The following PCNT variants were observed in gnomAD, a reference collection of about 807,000 sequenced individuals.
The protein encoded by PCNT is kendrin.
In PCNT, 319 loss-of-function variants were observed where a neutral mutation model predicts 380.4. The observed-to-expected ratio is 0.84, with a 90% CI of 0.77 to 0.92. The LOEUF is 0.92. PCNT is among the 40% of genes least tolerant of loss of function. The pLI, the probability that PCNT is intolerant of heterozygous loss-of-function variation, is 0.00. For missense variants in PCNT, 4,400 were observed against 4,255.3 expected, an observed-to-expected ratio of 1.03 and a Z score of -0.95; for synonymous variants, 1,845 against 1,735.2, an observed-to-expected ratio of 1.06 and a Z score of -1.57.
chr21:46,334,248 C>A lies in PCNT; in HGVS notation c.268-149C>A, dbSNP rs757085279. 10 of 1,005,572 alleles carry A rather than the reference C, an allele frequency of 9.9e-6. 1 individual carries two copies. The South Asian group carries it at 1.1e-4, about 11-fold the overall frequency. The allele number at this position is 1,005,572 out of a possible 1,614,324, so 62.3% of individuals were successfully genotyped here. A position where few individuals can be genotyped will look rare whatever the true frequency, so the allele number is the denominator to read the frequency against. On this transcript the variant is annotated intron_variant, in intron 2 of 46. Coordinates refer to ENST00000359568, the MANE Select transcript of PCNT (RefSeq NM_006031.6). ...GTTTAGAGCTTGGGAATTGTTAATG[C>A]GGAAGGTGCACGTTCTGAACAGGTG...
At chr21:46,347,617 T>G in intron 6 of PCNT, 105 bp downstream of exon 6, 1 of 1,025,902 alleles carries the variant, frequency 9.7e-7, no homozygotes, top group Non-Finnish European at 1.5e-6. Context: ...CAGAAGCCAG[T>G]CGAGGCTTTA....
Position 46,444,840 on chromosome 21 carries a change from G to T in PCNT, c.9967+19G>T, listed in dbSNP as rs1415051664. The T allele has an allele frequency of 2.5e-6, 4 of 1,611,100 alleles. No homozygotes were observed. In the South Asian group the frequency reaches 4.4e-5, roughly 18 times the overall value. ...CTACCAGGTAATGCAAGTCCTCGCC[G>T]AGTATTTATTAAGCTGATTATCACT... On this transcript the variant is annotated intron_variant, in intron 46 of 46. Coordinates refer to ENST00000359568, the MANE Select transcript of PCNT (RefSeq NM_006031.6).
Position 46,430,173 on chromosome 21 carries a change from G to GA in PCNT, c.7856dup (p.Ser2620GlufsTer25), listed in dbSNP as rs1465536889. On this transcript the variant is annotated frameshift_variant, in exon 36 of 47. Transcript: ENST00000359568. LOFTEE classifies it high-confidence loss of function. ...AGTCCGACCTCTGTGAGAGCAGGCAGAAGAGCGAACAGCTGTCCCGGTCCC... is the reference window on the plus strand; with the variant it reads ...AGTCCGACCTCTGTGAGAGCAGGCAGAAAGAGCGAACAGCTGTCCCGGTCCC... 1 of 1,614,048 alleles carries GA rather than the reference G, an allele frequency of 6.2e-7. No individual in the cohort carries two copies. Among genetic ancestry groups the GA allele is most frequent in the Non-Finnish European group, 8.5e-7 (1 of 1,180,018 alleles).
At position 46,430,189 on chromosome 21, in the gene PCNT, TC is replaced by T; in HGVS notation, c.7873del (p.Arg2625GlyfsTer13). ...CESRQKSEQL[S>X]RSLCEVQQEV... is the part of the protein sequence containing the mutation. ...GAGCAGGCAGAAGAGCGAACAGCTG[TC>T]CCGGTCCCTCTGCGAGGTGCAGCAG... On this transcript the variant is annotated frameshift_variant, in exon 36 of 47. Coordinates refer to ENST00000359568, the MANE Select transcript of PCNT (RefSeq NM_006031.6). LOFTEE classifies it high-confidence loss of function. The T allele has an allele frequency of 1.2e-6, 2 of 1,613,898 alleles. No individual in the cohort carries two copies. Among genetic ancestry groups the T allele is most frequent in the Non-Finnish European group, 1.7e-6 (2 of 1,179,920 alleles).
chr21:46,346,730 T>G lies in PCNT; in HGVS notation c.721-13T>G, dbSNP rs748762743. ...ACCATGGGCCCTTATCAGAGGCCTT[T>G]TCTCCGCCGCAGGCCGTGCATGGCC... On this transcript the variant is annotated splice_polypyrimidine_tract_variant and intron_variant, in intron 4 of 46. Coordinates refer to ENST00000359568, the MANE Select transcript of PCNT (RefSeq NM_006031.6). The G allele has an allele frequency of 4.1e-5, 66 of 1,592,538 alleles. 2 individuals are homozygous for G. The South Asian group carries it at 7.3e-4, about 18-fold the overall frequency.
chr21:46,365,376 C>A (rs1318762377), intron 14 of PCNT, among the ~76,000 whole-genome samples: 1 of 144,976 alleles, frequency 6.9e-6, no homozygotes, highest in Non-Finnish European at 1.5e-5. Flanking sequence ...TGATCACTGC[C>A]GTGGGGTTCT....
chr21:46,398,323 C>T, intron 24 of PCNT, 68 bp downstream of exon 24: 2 of 1,464,312 alleles, frequency 1.4e-6, no homozygotes, highest in Non-Finnish European at 9.3e-7. Flanking sequence ...CTCGCTGGGA[C>T]TGTCCTGCCA....
intron 13 of PCNT, among the ~76,000 whole-genome samples, chr21:46,360,972 CTTTTTCT>C (rs1422940097): frequency 6.6e-6 from 1 of 152,172 alleles, no homozygotes; most frequent in Non-Finnish European, 1.5e-5. Context: ...CATGGTTCTG[CTTTTTCT>C]TTTTTCTTGT....
At chr21:46,360,373 G>A (rs1042134267) in intron 13 of PCNT, among the ~76,000 whole-genome samples, 10 of 128,338 alleles carry the variant, frequency 7.8e-5, no homozygotes, top group Admixed American at 1.6e-4. Context: ...ACAGGCGCCC[G>A]CCACCACGCC....
At chr21:46,358,941 C>T (rs1256713915) in intron 13 of PCNT, among the ~76,000 whole-genome samples, 1 of 152,094 alleles carries the variant, frequency 6.6e-6, no homozygotes, top group Non-Finnish European at 1.5e-5. Context: ...GCTGGGAAGA[C>T]AGGTGCCCGT....
At chr21:46,396,494 C>T (rs536564411) in intron 21 of PCNT, among the ~76,000 whole-genome samples, 3 of 152,252 alleles carry the variant, frequency 2.0e-5, no homozygotes, top group Admixed American at 6.5e-5. Flanking sequence ...GGAGCCCTTG[C>T]GGCCTCGTCA....
At chr21:46,409,589 A>G (rs1384348049) in intron 27 of PCNT, among the ~76,000 whole-genome samples, 6 of 152,126 alleles carry the variant, frequency 3.9e-5, no homozygotes, top group Admixed American at 1.3e-4. Context: ...ATATGCTTGC[A>G]TACGCTTTTT....
In PCNT at chr21:46,381,501, C is replaced by T. The variant is rs146414759; in HGVS notation, c.3166-193C>T. 2.1e-3 allele frequency among the ~76,000 whole-genome samples: 327 copies of T among 152,264 alleles called. 4 individuals are homozygous for T. The highest frequency in any genetic ancestry group is 7.4e-3 in the African/African-American group (306 of 41,542). On this transcript the variant is annotated intron_variant, in intron 15 of 46. Transcript: ENST00000359568. ...TCCTTAAGTGTTTTATCCCCGAAAC[C>T]AGGACTTTGTGTTCCCAGTGAAGTC... is the stretch of plus-strand genomic sequence containing the variant.
intron 14 of PCNT, among the ~76,000 whole-genome samples, chr21:46,365,125 TGGGGTTCTATTCATTCACTGCCATG>T (rs1366138567): frequency 1.3e-5 from 2 of 152,310 alleles, no homozygotes; most frequent in Non-Finnish European, 2.9e-5. Flanking sequence ...TTCACTTCCA[TGGGGTTCTATTCATTCACTGCCATG>T]GGGGTTCTAT....
Position 46,411,272 on chromosome 21 carries a change from G to A in PCNT, c.5199G>A (p.Lys1733=), listed in dbSNP as rs61735808. ...AAGAGAATCAGAAACGATTACAAAAGGAGAAAGCAGAGGAAATTGAACAAC... is the reference window on the plus strand; with the variant it reads ...AAGAGAATCAGAAACGATTACAAAAAGAGAAAGCAGAGGAAATTGAACAAC... ...NLQENQKRLQ[K]EKAEEIEQLH... The change falls in exon 28 of 47, where the codon AAG becomes AAA. Residue 1733 remains lysine (K), a synonymous_variant. Transcript: ENST00000359568. 1,740 of 1,614,208 alleles carry A rather than the reference G, an allele frequency of 1.1e-3. 20 individuals are homozygous for A. Among genetic ancestry groups the A allele is most frequent in the Middle Eastern group, 2.6e-3 (16 of 6,062 alleles).
chr21:46,440,818 T>C, intron 42 of PCNT, 37 bp from the exon 43 acceptor site: 1 of 1,248,050 alleles, frequency 8.0e-7, no homozygotes, highest in Non-Finnish European at 1.2e-6. Context: ...CAGTCTTTGT[T>C]TCCTATGATA....
rs377045589 is a variant in PCNT, at chr21:46,354,083, G to A, written c.1761+15G>A. ...AGCGACATAAGGTAATTGGCCGCGCGCTGAGAAGTGGGGGAGTCCTGTGCT... is the reference window on the plus strand; with the variant it reads ...AGCGACATAAGGTAATTGGCCGCGCACTGAGAAGTGGGGGAGTCCTGTGCT... On this transcript the variant is annotated intron_variant, in intron 11 of 46. Transcript: ENST00000359568. 30 of 1,609,628 alleles carry A rather than the reference G, an allele frequency of 1.9e-5. No homozygotes were observed. In the East Asian group the frequency reaches 2.0e-4, roughly 11 times the overall value.
chr21:46,430,390 G>T (rs1217079811), intron 36 of PCNT, 117 bp from the exon 37 acceptor site: 1 of 1,438,630 alleles, frequency 7.0e-7, no homozygotes, highest in East Asian at 2.5e-5. Flanking sequence ...CCTGTGGTGG[G>T]GGGTGAAGCA....
At chr21:46,445,151 A>C in intron 46 of PCNT, 133 bp from the exon 47 acceptor site, 1 of 738,022 alleles carries the variant, frequency 1.4e-6, no homozygotes, top group Non-Finnish European at 2.5e-6. Flanking sequence ...CATAATTTAA[A>C]CCACTGTATA....
Sources: allele counts gnomAD v4.1 joint callset (sites outside exome capture counted in the v4.1 genomes callset), GRCh38; gene constraint gnomAD v4.1.1; transcripts MANE v1.5; gene names NCBI Gene and HGNC (gene_info 2026-07-23, HGNC 2026-07-21).